Variants in STOX2 observed in about 807,000 individuals in gnomAD.
The protein encoded by STOX2 is storkhead box 2.
STOX2 carries 28 observed loss-of-function variants against 60.9 expected under a neutral mutation model. The observed-to-expected ratio is 0.46, with a 90% CI of 0.34 to 0.63. STOX2 has a LOEUF of 0.63. STOX2 is among the 30% of genes least tolerant of loss of function. The pLI is 0.01. For synonymous variants in STOX2, 472 were observed against 463.9 expected (o/e 1.02, Z -0.22); for missense variants, 1,024 against 1,187.7 (o/e 0.86, Z 2.03).
At chr4:183,924,745 G>C (rs894970633) in intron 1 of STOX2, among the ~76,000 whole-genome samples, 2 of 152,152 alleles carry the variant, frequency 1.3e-5, no homozygotes, top group African/African-American at 4.8e-5. Flanking sequence ...AGGCTCGCAA[G>C]GGTGACAGGG....
intron 1 of STOX2, among the ~76,000 whole-genome samples, chr4:183,881,608 A>G (rs1024652679): frequency 2.0e-5 from 3 of 152,230 alleles, no homozygotes; most frequent in Non-Finnish European, 4.4e-5. Flanking sequence ...TGAGAACTAG[A>G]ATTCAACATG....
At chr4:183,890,510 A>G (rs1741183296) in intron 1 of STOX2, among the ~76,000 whole-genome samples, 1 of 20,770 alleles carries the variant, frequency 4.8e-5, no homozygotes, top group Non-Finnish European at 1.2e-4. Context: ...CAGCAACAGA[A>G]GAAAGAGGGA....
chr4:183,798,591 A>C (rs1406554145), intron 1 of STOX2: 7 of 983,314 alleles, frequency 7.1e-6, no homozygotes, highest in Admixed American at 6.1e-5. Context: ...GCGCGCACGC[A>C]TTTCTCAACG....
chr4:183,834,216 A>G (rs1373976700), intron 1 of STOX2, among the ~76,000 whole-genome samples: 3 of 152,126 alleles, frequency 2.0e-5, no homozygotes, highest in East Asian at 1.9e-4. Flanking sequence ...ACAGCCTGGC[A>G]TGGTCCCAAA....
At chr4:183,830,558 C>T (rs1030558179) in intron 1 of STOX2, among the ~76,000 whole-genome samples, 1 of 152,126 alleles carries the variant, frequency 6.6e-6, no homozygotes, top group Non-Finnish European at 1.5e-5. Context: ...TACCTTTGAC[C>T]CTGCCCTTTT....
chr4:183,818,763 G>T, intron 1 of STOX2, among the ~76,000 whole-genome samples: 1 of 151,368 alleles, frequency 6.6e-6, no homozygotes, highest in African/African-American at 2.4e-5. Flanking sequence ...CGGCTGCTGG[G>T]CGGAGACGCT....
intron 1 of STOX2, among the ~76,000 whole-genome samples, chr4:183,993,872 G>A (rs532198111): frequency 4.6e-5 from 7 of 152,216 alleles, no homozygotes; most frequent in Admixed American, 1.3e-4. Context: ...AATGGGAGCC[G>A]TCTGCTCTGC....
At chr4:183,961,290 A>G (rs1270085676) in intron 1 of STOX2, among the ~76,000 whole-genome samples, 1 of 152,236 alleles carries the variant, frequency 6.6e-6, no homozygotes, top group Non-Finnish European at 1.5e-5. Context: ...CAAACAGTTC[A>G]TAAAAATTTA....
rs77729073 is a variant in STOX2, at chr4:183,856,982, T to C, written c.364+58927T>C. On this transcript the variant is annotated intron_variant, in intron 1 of 2. Transcript: ENST00000513034. This position sits in a 1 kb window ranked among gnomAD's most constrained non-coding sequence, Gnocchi z 4.0. ...GAGATGAGTGGATAATTAGATTAAA[T>C]TGTGTGGTAGAGGCTGGGAGGGGTT... Among the ~76,000 whole-genome samples the C allele has an allele frequency of 0.014, 2,144 of 152,086 alleles. 51 individuals carry two copies. The highest frequency in any genetic ancestry group is 0.048 in the African/African-American group (2,004 of 41,444).
At chr4:184,006,823 C>T (rs183154551) in intron 2 of STOX2, among the ~76,000 whole-genome samples, 164 of 150,928 alleles carry the variant, frequency 1.1e-3, no homozygotes, top group South Asian at 3.6e-3. Flanking sequence ...GAAACCATCC[C>T]GGCTAAAACG....
chr4:183,901,272 A>G (rs187349277), upstream of STOX2, among the ~76,000 whole-genome samples: 7 of 152,318 alleles, frequency 4.6e-5, no homozygotes, highest in African/African-American at 1.7e-4. Context: ...AATAGATTCC[A>G]TTATATGTAT....
chr4:183,891,182 TTGTC>T (rs948825380), intron 1 of STOX2, among the ~76,000 whole-genome samples: 3 of 151,900 alleles, frequency 2.0e-5, no homozygotes, highest in African/African-American at 7.3e-5. Flanking sequence ...CTGTCAGAAT[TTGTC>T]TGTGTGCTCA....
chr4:183,941,867 A>C (rs1742763129), intron 1 of STOX2, among the ~76,000 whole-genome samples: 1 of 152,238 alleles, frequency 6.6e-6, no homozygotes, highest in African/African-American at 2.4e-5. Flanking sequence ...GAGATTCTCT[A>C]GGATGACAGA....
At chr4:183,952,096 G>A (rs74816792) in intron 1 of STOX2, among the ~76,000 whole-genome samples, 8,030 of 152,206 alleles carry the variant, frequency 0.053, 274 homozygotes, top group Non-Finnish European at 0.073. Flanking sequence ...GGAAAACTTC[G>A]GCACAGAAAG....
At position 183,821,301 on chromosome 4, in the gene STOX2, A is replaced by G. The variant is rs1739298577; in HGVS notation, c.364+23246A>G. Among the ~76,000 whole-genome samples the G allele has an allele frequency of 6.6e-6, 1 of 152,208 alleles. No individual in the cohort carries two copies. The highest frequency in any genetic ancestry group is 1.5e-5 in the Non-Finnish European group (1 of 68,024). The stretch of plus-strand genomic sequence containing the variant: ...GTGTAACCATATGGTGCTTCACGGA[A>G]TGCAGATAATGGCTTTATTTTCCTC... On this transcript the variant is annotated intron_variant, in intron 1 of 2. Coordinates refer to the STOX2 transcript ENST00000513034. This position sits in a 1 kb window ranked among gnomAD's most constrained non-coding sequence, Gnocchi z 4.2.
Position 183,826,947 on chromosome 4 carries a change from A to T in STOX2, c.364+28892A>T, listed in dbSNP as rs185435654. ...TAATAATAGTAATAGCAAATTTATA[A>T]GTATTTATGATATGCCAGGCATTAC... On this transcript the variant is annotated intron_variant, in intron 1 of 2. Transcript: ENST00000513034. Among the ~76,000 whole-genome samples, 179 of 152,338 alleles carry T rather than the reference A, an allele frequency of 1.2e-3. 2 individuals carry two copies. Among genetic ancestry groups the T allele is most frequent in the Non-Finnish European group, 4.7e-4 (32 of 68,032 alleles).
chr4:183,924,081 A>C (rs1394288680), intron 1 of STOX2, among the ~76,000 whole-genome samples: 2 of 152,282 alleles, frequency 1.3e-5, no homozygotes, highest in South Asian at 2.1e-4. Flanking sequence ...ATTCTGATGT[A>C]CAGTTAGGTT....
chr4:183,871,123 G>C (rs144116010), intron 1 of STOX2, among the ~76,000 whole-genome samples: 1 of 152,306 alleles, frequency 6.6e-6, no homozygotes, highest in South Asian at 2.1e-4. Flanking sequence ...TTCCTGGCTG[G>C]ATCTAACAGG....
intron 1 of STOX2, among the ~76,000 whole-genome samples, chr4:183,827,507 A>AGT (rs1404407840): frequency 5.4e-5 from 8 of 148,490 alleles, no homozygotes; most frequent in African/African-American, 2.1e-4. Context: ...AGAAAATAAA[A>AGT]ATAAAAAAAC....
Sources: allele counts gnomAD v4.1 joint callset (sites outside exome capture counted in the v4.1 genomes callset), GRCh38; gene constraint gnomAD v4.1.1; non-coding constraint Gnocchi (gnomAD v3.1); transcripts MANE v1.5; gene names NCBI Gene and HGNC (gene_info 2026-07-23, HGNC 2026-07-21).